WWC2: variants seen among roughly 807,000 people sequenced by gnomAD.
WWC2 encodes WW and C2 domain containing 2.
A neutral mutation model predicts 138.5 loss-of-function variants in WWC2; 101 were observed. That is an observed-to-expected ratio of 0.73 (90% CI 0.62 to 0.86). WWC2 has a LOEUF of 0.86. Among genes scored for constraint, WWC2 ranks in the 40% least tolerant of loss-of-function variants. The probability of loss-of-function intolerance (pLI) is 0.00; values close to 1 mark genes in which losing one functional copy is unlikely to be tolerated. For missense variants in WWC2, 1,420 were observed against 1,419.4 expected (o/e 1.00, Z -0.01); for synonymous variants, 558 against 538.4 (o/e 1.04, Z -0.50).
chr4:183,305,008 G>A (rs1263465955), intron 21 of WWC2, among the ~76,000 whole-genome samples: 3 of 152,178 alleles, frequency 2.0e-5, no homozygotes, highest in South Asian at 4.1e-4. Flanking sequence ...AGGGAAGAAG[G>A]AGGCAATATG....
At chr4:183,256,887 C>G (rs1484851081) in intron 9 of WWC2, among the ~76,000 whole-genome samples, 11 of 13,766 alleles carry the variant, frequency 8.0e-4, no homozygotes, top group Non-Finnish European at 1.6e-3. Flanking sequence ...TCCTACAGCC[C>G]CCCCCCCCCC....
chr4:183,117,903 C>T (rs972909122), intron 1 of WWC2, among the ~76,000 whole-genome samples: 11 of 152,008 alleles, frequency 7.2e-5, no homozygotes, highest in Non-Finnish European at 1.2e-4. Context: ...CGGGTTCAAG[C>T]GATTCTCCTG....
chr4:183,141,981 A>G (rs1733314660), intron 1 of WWC2, among the ~76,000 whole-genome samples: 1 of 152,218 alleles, frequency 6.6e-6, no homozygotes, highest in Non-Finnish European at 1.5e-5. Flanking sequence ...ACAGACAAAG[A>G]AATACATAGC....
Position 183,271,134 on chromosome 4 carries a change from C to G in WWC2, c.2455C>G (p.Leu819Val), listed in dbSNP as rs767027421. The G allele has an allele frequency of 8.1e-6, 13 of 1,612,038 alleles. No homozygotes were observed. The highest frequency in any genetic ancestry group is 1.6e-4 in the Middle Eastern group (1 of 6,078). ...ACCATTTTCCAGTGAGGTTTTCACT[C>G]TATGGTATAACTTGCTTCCTTCCAA... ...DLPFSSEVFT[L>V]WYNLLPSKQM... Residue 819 changes from leucine (L) to valine (V), a missense_variant, in exon 16 of 23, where the codon CTA becomes GTA. Leu to Val is a conservative substitution (Grantham distance 32). Transcript: ENST00000403733.
chr4:183,111,501 T>C (rs745479978), intron 1 of WWC2, among the ~76,000 whole-genome samples: 1 of 152,120 alleles, frequency 6.6e-6, no homozygotes, highest in Admixed American at 6.5e-5. Context: ...TTTTTTTTTC[T>C]TTGAAACTGT....
chr4:183,149,670 CT>C (rs554589228), intron 1 of WWC2, among the ~76,000 whole-genome samples: 2,758 of 132,210 alleles, frequency 0.021, 70 homozygotes, highest in African/African-American at 0.064. Flanking sequence ...TAGCTTCTCT[CT>C]TTTTTTTTTT....
chr4:183,269,515 C>T (rs1420506909), intron 15 of WWC2: 1 of 488,626 alleles, frequency 2.0e-6, no homozygotes, highest in Admixed American at 2.3e-5. Flanking sequence ...TATATATTAT[C>T]TCATTTAATC....
At chr4:183,180,782 A>G (rs1299352346) in intron 1 of WWC2, among the ~76,000 whole-genome samples, 3 of 151,418 alleles carry the variant, frequency 2.0e-5, no homozygotes, top group African/African-American at 7.3e-5. Context: ...CAGAAAGGGT[A>G]AATCTGTAGG....
intron 1 of WWC2, among the ~76,000 whole-genome samples, chr4:183,113,475 G>A (rs1039234945): frequency 7.1e-6 from 1 of 140,602 alleles, no homozygotes; most frequent in Admixed American, 7.5e-5. Context: ...GAGGTAAGGT[G>A]GGGCCTGTGT....
chr4:183,115,808 T>C (rs1732392290), intron 1 of WWC2, among the ~76,000 whole-genome samples: 1 of 152,208 alleles, frequency 6.6e-6, no homozygotes, highest in Non-Finnish European at 1.5e-5. Context: ...ACTCTGTTGA[T>C]AGTTTCTTTT....
Position 183,259,731 on chromosome 4 carries a change from G to T in WWC2, c.1286+3G>T. 6.5e-7 allele frequency: 1 copy of T among 1,533,528 alleles called. No individual in the cohort carries two copies. The highest frequency in any genetic ancestry group is 2.1e-5 in the Admixed American group (1 of 48,754). The allele number at this position is 1,533,528 out of a possible 1,614,324, so 95.0% of individuals were successfully genotyped here. On this transcript the variant is annotated splice_donor_region_variant and intron_variant, in intron 10 of 22. Coordinates refer to ENST00000403733, the MANE Select transcript of WWC2 (RefSeq NM_024949.6). Reference sequence around the variant, plus strand: ...TATTTGCATTCACAACTTAAAAGGTGAGCTTATCAGATTTTTGAGGGGAAA... The same window carrying T: ...TATTTGCATTCACAACTTAAAAGGTTAGCTTATCAGATTTTTGAGGGGAAA...
intron 2 of WWC2, among the ~76,000 whole-genome samples, chr4:183,201,784 A>G (rs1481637043): frequency 3.9e-5 from 6 of 152,206 alleles, no homozygotes; most frequent in Non-Finnish European, 7.3e-5. Flanking sequence ...ATTCCAGAAA[A>G]TTGATAGTAT....
At position 183,256,884 on chromosome 4, in the gene WWC2, GCCCCC is replaced by G. The variant is rs60733090; in HGVS notation, c.1197-2740_1197-2736del. On this transcript the variant is annotated intron_variant, in intron 9 of 22. Transcript: ENST00000403733. Reference sequence around the variant, plus strand: ...TTCAGTCTCTGAGTGTGATCCTACAGCCCCCCCCCCCCCCCCCCCGGCTCTGTTCC... The same window carrying G: ...TTCAGTCTCTGAGTGTGATCCTACAGCCCCCCCCCCCCCCGGCTCTGTTCC... 2.0e-4 allele frequency among the ~76,000 whole-genome samples: 16 copies of G among 81,150 alleles called. 1 individual carries two copies. Among genetic ancestry groups the G allele is most frequent in the African/African-American group, 5.5e-4 (7 of 12,784 alleles). The allele number at this position is 81,150 out of a possible 152,430, so 53.2% of individuals were successfully genotyped here. A position where few individuals can be genotyped will look rare whatever the true frequency, so the allele number is the denominator to read the frequency against.
At chr4:183,299,876 A>G (rs1230741172) in intron 21 of WWC2, among the ~76,000 whole-genome samples, 6 of 152,168 alleles carry the variant, frequency 3.9e-5, no homozygotes, top group African/African-American at 1.4e-4. Context: ...CAGAAAAGCA[A>G]TGAATCGAAG....
chr4:183,120,467 A>G (rs1413104657), intron 1 of WWC2, among the ~76,000 whole-genome samples: 1 of 152,194 alleles, frequency 6.6e-6, no homozygotes, highest in African/African-American at 2.4e-5. Flanking sequence ...TCTGGGGAGT[A>G]AGACTGTAGA....
Position 183,196,432 on chromosome 4 carries a change from C to T in WWC2, c.241+2724C>T, listed in dbSNP as rs367965830. On this transcript the variant is annotated intron_variant, in intron 2 of 22. Coordinates refer to ENST00000403733, the MANE Select transcript of WWC2 (RefSeq NM_024949.6). ...TTTCTTTTGCCTCTTTCTTCTTCAC[C>T]GGGACCTGCTGTCAGGATTTCTGTA... 1.4e-3 allele frequency among the ~76,000 whole-genome samples: 211 copies of T among 152,254 alleles called. 1 individual carries two copies. Among genetic ancestry groups the T allele is most frequent in the African/African-American group, 4.9e-3 (202 of 41,540 alleles).
chr4:183,259,874 G>A, intron 10 of WWC2, 146 bp downstream of exon 10: 1 of 663,580 alleles, frequency 1.5e-6, no homozygotes, highest in Non-Finnish European at 2.6e-6. Context: ...CAGATTTAAA[G>A]TCACATTTTC....
chr4:183,099,566 G>T lies in WWC2; in HGVS notation c.75G>T (p.Lys25Asn). 1 of 1,422,152 alleles carries T rather than the reference G, an allele frequency of 7.0e-7. No individual in the cohort carries two copies. Among genetic ancestry groups the T allele is most frequent in the South Asian group, 1.4e-5 (1 of 70,616 alleles). The allele number at this position is 1,422,152 out of a possible 1,614,324, so 88.1% of individuals were successfully genotyped here. ...AGGAGGCCAGGGACTACGACGGCAA[G>T]GTCTTCTACATTGACCACAACACCA... ...GWEEARDYDG[K>N]VFYIDHNTRR... is the part of the protein sequence containing the mutation. Residue 25 changes from lysine (K) to asparagine (N), a missense_variant, in exon 1 of 23, where the codon AAG becomes AAT. Lys to Asn is a moderately conservative substitution (Grantham distance 94). Coordinates refer to ENST00000403733, the MANE Select transcript of WWC2 (RefSeq NM_024949.6).
rs34490511 is a variant in WWC2, at chr4:183,117,810, T to G, written c.131+18188T>G. ...GGGATCTTTTTTTTTTTTTTTGAGG[T>G]GGAGTCTCGCTCTGTCGCCCAGGCT... On this transcript the variant is annotated intron_variant, in intron 1 of 22. Coordinates refer to ENST00000403733, the MANE Select transcript of WWC2 (RefSeq NM_024949.6). 4.1e-3 allele frequency among the ~76,000 whole-genome samples: 587 copies of G among 141,732 alleles called. 3 individuals are homozygous for G. The highest frequency in any genetic ancestry group is 0.015 in the African/African-American group (560 of 37,860). The allele number at this position is 141,732 out of a possible 152,430, so 93.0% of individuals were successfully genotyped here. A position where few individuals can be genotyped will look rare whatever the true frequency, so the allele number is the denominator to read the frequency against.
Sources: gnomAD v4.1 joint callset for allele counts (sites outside exome capture counted in the v4.1 genomes callset) on GRCh38, gnomAD v4.1.1 for gene constraint, MANE v1.5 for transcripts, NCBI Gene and HGNC (gene_info 2026-07-23, HGNC 2026-07-21) for gene names.